The following CYB561A3 variants were observed in gnomAD, a reference collection of about 807,000 sequenced individuals.
CYB561A3 encodes the protein lysosomal membrane ascorbate-dependent ferrireductase CYB561A3.
In CYB561A3, 16 loss-of-function variants were observed where a neutral mutation model predicts 25.3. The ratio of observed to expected loss-of-function variants is 0.63; its 90% CI spans 0.43 to 0.96. CYB561A3 has a LOEUF of 0.96. Ranked by LOEUF, CYB561A3 falls within the 40% of genes least tolerant of loss-of-function variation. The pLI is 0.00. For missense variants in CYB561A3, 219 were observed against 307.5 expected (o/e 0.71, Z 2.15); for synonymous variants, 131 against 129.9 (o/e 1.01, Z -0.06).
intron 1 of CYB561A3, chr11:61,359,316 TAGA>T (rs1314912809): frequency 1.3e-5 from 2 of 151,644 alleles, no homozygotes; most frequent in East Asian, 1.9e-4. Flanking sequence ...ACCAGCCTCC[TAGA>T]AGATTTGTGA....
chr11:61,351,062 GCCCAAAGGCCACCACCAGCAT>G lies in CYB561A3; in HGVS notation c.613_633del (p.Met205_Gly211del), dbSNP rs1234694759. 4 of 1,614,012 alleles carry G rather than the reference GCCCAAAGGCCACCACCAGCAT, an allele frequency of 2.5e-6. No individual in the cohort carries two copies. The highest frequency in any genetic ancestry group is 8.5e-7 in the Non-Finnish European group (1 of 1,179,994). ...GCCAGAAGGATGTAGAGCACCAGCAGCCCAAAGGCCACCACCAGCATCCCGGTGCTGTTGGCAAAGACCGCC... is the reference window on the plus strand; with the variant it reads ...GCCAGAAGGATGTAGAGCACCAGCAGCCCGGTGCTGTTGGCAAAGACCGCC... On this transcript the variant is annotated inframe_deletion, in exon 6 of 7. Transcript: ENST00000294072.
Position 61,356,617 on chromosome 11 carries a change from C to G in CYB561A3, c.97G>C (p.Gly33Arg), listed in dbSNP as rs535593091. ...ATGCTGCCATTCCAGGCAAAGCCACCACGCCAGTACTGCATCCAGTAGATA... is the reference window on the plus strand; with the variant it reads ...ATGCTGCCATTCCAGGCAAAGCCACGACGCCAGTACTGCATCCAGTAGATA... ...FTIYWMQYWR[G>R]GFAWNGSIYM... The change falls in exon 3 of 7, where the codon GGT (glycine) becomes CGT (arginine). Residue 33 changes from glycine to arginine, a missense_variant. Physicochemically the swap from Gly to Arg is moderately radical, Grantham distance 125. Coordinates refer to ENST00000294072, the MANE Select transcript of CYB561A3 (RefSeq NM_153611.6). 26 of 1,614,142 alleles carry G rather than the reference C, an allele frequency of 1.6e-5. No homozygotes were observed. In the South Asian group the frequency reaches 2.6e-4, roughly 16 times the overall value.
chr11:61,357,514 G>A, intron 2 of CYB561A3: 1 of 398,048 alleles, frequency 2.5e-6, no homozygotes, highest in South Asian at 2.7e-5. Context: ...AAAGCCCTGA[G>A]CAGTTGCTCT....
chr11:61,352,729 A>G (rs1019084711), intron 5 of CYB561A3: 4 of 1,142,960 alleles, frequency 3.5e-6, no homozygotes, highest in Middle Eastern at 2.1e-4. Flanking sequence ...AGGGTGGTTG[A>G]CAGGATTAAA....
At position 61,350,071 on chromosome 11, in the gene CYB561A3, T is replaced by G. The variant is rs1590594189; in HGVS notation, c.*328A>C. On this transcript the variant is annotated 3_prime_UTR_variant, in exon 7 of 7. Transcript: ENST00000294072. Reference sequence around the variant, plus strand: ...GACCTGAGAGGCTGACGCCAAGGAGTGCAGAAGCCAAAGCCACCAAGGAAA... The same window carrying G: ...GACCTGAGAGGCTGACGCCAAGGAGGGCAGAAGCCAAAGCCACCAAGGAAA... The G allele has an allele frequency of 1.9e-6, 1 of 529,520 alleles. No homozygotes were observed. Among genetic ancestry groups the G allele is most frequent in the Non-Finnish European group, 3.4e-6 (1 of 294,012 alleles). 32.8% of individuals were successfully genotyped at this position (529,520 alleles called of 1,614,324 possible). A position where few individuals can be genotyped will look rare whatever the true frequency, so the allele number is the denominator to read the frequency against.
intron 1 of CYB561A3, chr11:61,359,872 T>C (rs1192718889): frequency 6.6e-6 from 1 of 152,060 alleles, no homozygotes; most frequent in African/African-American, 2.4e-5. Flanking sequence ...AATACAAAAA[T>C]TAGCCAGGCA....
rs1363864777 is a variant in CYB561A3 at position 61,353,764 on chromosome 11, G to A, written c.393+20C>T. On this transcript the variant is annotated intron_variant, in intron 4 of 6. Transcript: ENST00000294072. Reference sequence around the variant, plus strand: ...CTCATGGCTCTGGGAACCTCGAGGAGGAGAACAGAGAGAACCCACCTGGCA... The same window carrying A: ...CTCATGGCTCTGGGAACCTCGAGGAAGAGAACAGAGAGAACCCACCTGGCA... The A allele has an allele frequency of 1.2e-6, 2 of 1,613,784 alleles. No homozygotes were observed. Among genetic ancestry groups the A allele is most frequent in the Non-Finnish European group, 1.7e-6 (2 of 1,179,830 alleles).
In CYB561A3 at chr11:61,351,159, A is replaced by C; in HGVS notation, c.549-12T>G. On this transcript the variant is annotated splice_polypyrimidine_tract_variant and intron_variant, in intron 5 of 6. Coordinates refer to ENST00000294072, the MANE Select transcript of CYB561A3 (RefSeq NM_153611.6). ...TGGTGGTGTTTTTCCTGAAGATGAC[A>C]AAACAATGTGAGCCCTCGAGAGATT... 6.2e-7 allele frequency: 1 copy of C among 1,606,104 alleles called. No homozygotes were observed. The highest frequency in any genetic ancestry group is 2.2e-5 in the East Asian group (1 of 44,640).
At chr11:61,353,623 C>T (rs974375528) in intron 4 of CYB561A3, 161 bp downstream of exon 4, 2 of 843,034 alleles carry the variant, frequency 2.4e-6, no homozygotes, top group African/African-American at 1.7e-5. Flanking sequence ...AGGCCACTGA[C>T]CTCCCACAGC....
intron 6 of CYB561A3, 62 bp from the exon 7 acceptor site, chr11:61,350,484 A>C (rs1565065015): frequency 1.3e-6 from 2 of 1,592,978 alleles, no homozygotes; most frequent in African/African-American, 2.7e-5. Context: ...ACCAGGCCCA[A>C]GCTGTTCAGA....
chr11:61,353,923 G>C lies in CYB561A3; in HGVS notation c.254C>G (p.Ala85Gly). ...PKLPWKLLHA[A>G]LHLMAFVLTV... ...GAGGACGAAGGCCATCAGGTGCAGC[G>C]CTGCATGGAGGAGTTTCCAGGGCAG... Residue 85 changes from alanine to glycine, a missense_variant, in exon 4 of 7, where the codon GCG becomes GGG. Coordinates refer to ENST00000294072, the MANE Select transcript of CYB561A3 (RefSeq NM_153611.6). The C allele has an allele frequency of 6.2e-7, 1 of 1,614,196 alleles. No individual in the cohort carries two copies. Among genetic ancestry groups the C allele is most frequent in the Non-Finnish European group, 8.5e-7 (1 of 1,180,038 alleles).
intron 5 of CYB561A3, 137 bp from the exon 6 acceptor site, chr11:61,351,284 C>CTTT (rs909648792): frequency 2.3e-3 from 665 of 292,986 alleles, no homozygotes; most frequent in South Asian, 3.1e-3. Flanking sequence ...AACACCCTTT[C>CTTT]TTTTTTTTTT....
Position 61,350,331 on chromosome 11 carries a change from A to G in CYB561A3, c.*68T>C. On this transcript the variant is annotated 3_prime_UTR_variant, in exon 7 of 7. Transcript: ENST00000294072. ...CTGAAACCAGCCGGGAGCCCTGGGA[A>G]GAGCAGAGCTTCTGAGGGGAGCACA... 6.3e-7 allele frequency: 1 copy of G among 1,574,856 alleles called. No homozygotes were observed. Among genetic ancestry groups the G allele is most frequent in the Non-Finnish European group, 8.6e-7 (1 of 1,158,746 alleles).
chr11:61,359,421 T>C (rs1857763703), intron 1 of CYB561A3: 1 of 152,034 alleles, frequency 6.6e-6, no homozygotes, highest in Admixed American at 6.6e-5. Context: ...TCACCAGATA[T>C]TCACCTAAAA....
intron 6 of CYB561A3, 109 bp downstream of exon 6, chr11:61,350,882 C>G: frequency 6.9e-7 from 1 of 1,454,234 alleles, no homozygotes; most frequent in Admixed American, 2.5e-5. Context: ...ACTTGGTTTC[C>G]TGCTGTGCCA....
At chr11:61,356,802 G>A (rs1857670711) in intron 2 of CYB561A3, 74 bp from the exon 3 acceptor site, 12 of 1,556,334 alleles carry the variant, frequency 7.7e-6, no homozygotes, top group Non-Finnish European at 8.7e-6. Flanking sequence ...AGGTAACACT[G>A]ATTTAGCTCT....
chr11:61,354,609 C>G (rs903270249), intron 3 of CYB561A3: 1 of 152,228 alleles, frequency 6.6e-6, no homozygotes, highest in African/African-American at 2.4e-5. Context: ...CCACTGCACT[C>G]TAGCCTGAAA....
intron 2 of CYB561A3, 177 bp from the exon 3 acceptor site, chr11:61,356,905 A>G: frequency 6.9e-7 from 1 of 1,443,816 alleles, no homozygotes; most frequent in South Asian, 1.5e-5. Flanking sequence ...GGTGGGCCTG[A>G]TCTTCAGTCA....
At chr11:61,357,328 C>T in intron 2 of CYB561A3, 2 of 1,133,350 alleles carry the variant, frequency 1.8e-6, no homozygotes. Flanking sequence ...CCAGCTGATG[C>T]CCCTCAGCTG....
Sources: gnomAD v4.1 joint callset for allele counts on GRCh38, gnomAD v4.1.1 for gene constraint, MANE v1.5 for transcripts, NCBI Gene and HGNC (gene_info 2026-07-23, HGNC 2026-07-21) for gene names.